Variants in CLDN16 observed in about 807,000 individuals in gnomAD.
CLDN16 encodes the protein claudin-16.
CLDN16 carries 13 observed loss-of-function variants against 24.6 expected under a neutral mutation model. The observed-to-expected ratio is 0.53, with a 90% confidence interval of 0.34 to 0.84. The LOEUF is 0.84. CLDN16 is among the 40% of genes least tolerant of loss of function. The pLI is 0.01. For missense variants in CLDN16, 298 were observed against 292.7 expected (o/e 1.02, Z -0.13); for synonymous variants, 116 against 106.7 (o/e 1.09, Z -0.54).
At chr3:190,379,680 C>T (rs1427262440) in intron 3 of CLDN16, among the ~76,000 whole-genome samples, 7 of 152,092 alleles carry the variant, frequency 4.6e-5, no homozygotes, top group Non-Finnish European at 1.0e-4. Context: ...GAAAGCATCC[C>T]TGCTCCTAAG....
chr3:190,341,273 C>A (rs113317002), intron 1 of CLDN16, among the ~76,000 whole-genome samples: 1 of 152,156 alleles, frequency 6.6e-6, no homozygotes, highest in Admixed American at 6.5e-5. Flanking sequence ...AAGGACCCCA[C>A]CCCTGTAGCA....
the CLDN16 span, among the ~76,000 whole-genome samples, chr3:190,298,348 TACACACAC>T: frequency 4.1e-5 from 6 of 147,854 alleles, no homozygotes; most frequent in Non-Finnish European, 6.0e-5. Flanking sequence ...ATGTATATTA[TACACACAC>T]ACACACACAC....
chr3:190,356,966 C>T (rs1717789067), intron 1 of CLDN16, among the ~76,000 whole-genome samples: 1 of 151,918 alleles, frequency 6.6e-6, no homozygotes, highest in East Asian at 1.9e-4. Flanking sequence ...AGATTATACA[C>T]AGCCTTGCAT....
the CLDN16 span, among the ~76,000 whole-genome samples, chr3:190,296,245 A>G: frequency 6.6e-6 from 1 of 152,222 alleles, no homozygotes; most frequent in South Asian, 2.1e-4. Flanking sequence ...CAGTCAGGCA[A>G]TACAGTAATG....
At chr3:190,367,951 C>A (rs1452522931) in intron 1 of CLDN16, among the ~76,000 whole-genome samples, 1 of 151,898 alleles carries the variant, frequency 6.6e-6, no homozygotes, top group Admixed American at 6.6e-5. Context: ...TCTTTCCTCC[C>A]TTTATCCTTT....
At chr3:190,323,354 A>C (rs1484812432) in intron 1 of CLDN16, among the ~76,000 whole-genome samples, 1 of 152,134 alleles carries the variant, frequency 6.6e-6, no homozygotes, top group Non-Finnish European at 1.5e-5. Flanking sequence ...CAGTGGCAAA[A>C]GGACTGGGCT....
At chr3:190,334,370 G>T (rs1379825891) in intron 1 of CLDN16, among the ~76,000 whole-genome samples, 2 of 152,216 alleles carry the variant, frequency 1.3e-5, no homozygotes, top group Non-Finnish European at 2.9e-5. Flanking sequence ...AGGGAGCCAT[G>T]GAATATGAAG....
In CLDN16 at chr3:190,410,626, C is replaced by T. The variant is rs115611104; in HGVS notation, c.*590C>T. The stretch of plus-strand genomic sequence containing the variant: ...TGAGAGTTAAAGACAAGAGCTGCCC[C>T]CCCACCCCCAAATGTCAAAGGCAAA... On this transcript the variant is annotated 3_prime_UTR_variant, in exon 5 of 5. Coordinates refer to ENST00000264734, the MANE Select transcript of CLDN16 (RefSeq NM_006580.4). 3.4e-3 allele frequency: 525 copies of T among 152,668 alleles called. 4 individuals are homozygous for T. The highest frequency in any genetic ancestry group is 0.011 in the African/African-American group (473 of 41,462). The allele number at this position is 152,668 out of a possible 1,614,324, so 9.5% of individuals were successfully genotyped here.
At chr3:190,400,279 G>A (rs1047053721) in intron 1 of CLDN16, among the ~76,000 whole-genome samples, 31 of 151,338 alleles carry the variant, frequency 2.0e-4, no homozygotes, top group African/African-American at 6.6e-4. Flanking sequence ...TCGCTCTGTC[G>A]CCAGGCTGCA....
intron 1 of CLDN16, chr3:190,370,797 T>A (rs1251978224): frequency 6.6e-6 from 1 of 151,736 alleles, no homozygotes; most frequent in Admixed American, 6.6e-5. Context: ...CACCATCTAA[T>A]CAGCTGCCAG....
At chr3:190,379,975 G>GTCTATCTAGCTA (rs1718324265) in intron 3 of CLDN16, among the ~76,000 whole-genome samples, 1 of 148,988 alleles carries the variant, frequency 6.7e-6, no homozygotes, top group Non-Finnish European at 1.5e-5. Flanking sequence ...TATCAACTCT[G>GTCTATCTAGCTA]TCTATCTATC....
chr3:190,347,904 G>C (rs929331435), intron 1 of CLDN16, among the ~76,000 whole-genome samples: 6 of 151,954 alleles, frequency 3.9e-5, no homozygotes, highest in African/African-American at 1.5e-4. Flanking sequence ...TCTGTGGCTG[G>C]AGCATAGGGA....
chr3:190,325,570 G>A (rs1577395422), intron 1 of CLDN16, among the ~76,000 whole-genome samples: 3 of 152,228 alleles, frequency 2.0e-5, no homozygotes, highest in East Asian at 3.9e-4. Context: ...TGATGCTTGG[G>A]CTTAGCCATG....
intron 1 of CLDN16, among the ~76,000 whole-genome samples, chr3:190,400,932 A>G (rs1032933623): frequency 6.6e-6 from 1 of 152,138 alleles, no homozygotes; most frequent in Non-Finnish European, 1.5e-5. Context: ...TCCATTAACT[A>G]TGCTTTCTTG....
At chr3:190,388,848 T>C (rs1287061271) in intron 1 of CLDN16, among the ~76,000 whole-genome samples, 3 of 152,202 alleles carry the variant, frequency 2.0e-5, no homozygotes, top group Admixed American at 6.5e-5. Context: ...AATAGTGTGA[T>C]AGACTTTTTT....
chr3:190,410,152 T>C lies in CLDN16; in HGVS notation c.*116T>C. 1 of 1,188,936 alleles carries C rather than the reference T, an allele frequency of 8.4e-7. No homozygotes were observed. The highest frequency in any genetic ancestry group is 1.8e-5 in the Admixed American group (1 of 55,402). The allele number at this position is 1,188,936 out of a possible 1,614,324, so 73.6% of individuals were successfully genotyped here. A position where few individuals can be genotyped will look rare whatever the true frequency, so the allele number is the denominator to read the frequency against. ...TAGAATTCATATTGAATTAAATTAA[T>C]TGCTAGCTTAATCAAAATGTTTGAT... On this transcript the variant is annotated 3_prime_UTR_variant, in exon 5 of 5. Transcript: ENST00000264734.
At chr3:190,302,043 A>G in the CLDN16 span, among the ~76,000 whole-genome samples, 1 of 152,152 alleles carries the variant, frequency 6.6e-6, no homozygotes, top group East Asian at 1.9e-4. Context: ...CTATCTTCCT[A>G]GCTTACTTCA....
At chr3:190,295,864 G>A in the CLDN16 span, among the ~76,000 whole-genome samples, 8 of 152,212 alleles carry the variant, frequency 5.3e-5, no homozygotes, top group South Asian at 2.1e-4. Flanking sequence ...CTCACTCTAC[G>A]TGGGGCTGGA....
chr3:190,308,884 G>C, the CLDN16 span, among the ~76,000 whole-genome samples: 1 of 152,094 alleles, frequency 6.6e-6, no homozygotes, highest in Admixed American at 6.6e-5. Context: ...TTGGTCCCAG[G>C]CACCTATACA....
Sources: allele counts gnomAD v4.1 joint callset (sites outside exome capture counted in the v4.1 genomes callset), GRCh38; gene constraint gnomAD v4.1.1; transcripts MANE v1.5; gene names NCBI Gene and HGNC (gene_info 2026-07-23, HGNC 2026-07-21).